Variants in GNG7 observed in about 807,000 individuals in gnomAD.
The protein encoded by GNG7 is guanine nucleotide-binding protein G(I)/G(S)/G(O) subunit gamma-7.
GNG7 carries 1 observed loss-of-function variant against 4.0 expected under a neutral mutation model. The ratio of observed to expected loss-of-function variants is 0.25; its 90% CI spans 0.09 to 1.18. The LOEUF is 1.18. Ranked by LOEUF, GNG7 falls within the 50% of genes most tolerant of loss-of-function variation. The pLI is 0.50. For synonymous variants in GNG7, 34 were observed against 36.9 expected, an observed-to-expected ratio of 0.92 and a Z score of 0.29; for missense variants, 86 against 91.9, an observed-to-expected ratio of 0.94 and a Z score of 0.26.
At chr19:2,671,352 G>A (rs375541698) in intron 1 of GNG7, among the ~76,000 whole-genome samples, 22 of 152,070 alleles carry the variant, frequency 1.4e-4, no homozygotes, top group African/African-American at 2.2e-4. Flanking sequence ...CCTGGACACC[G>A]GTGGCTCTGA....
Position 2,514,982 on chromosome 19 carries a change from GAGAA to G in GNG7, c.*36_*39del, listed in dbSNP as rs1418943267. ...AGAGACAGAGACAGAGAGAGAGAGA[GAGAA>G]AGAGAGAGAGAGAGAGAGAACATAT... On this transcript the variant is annotated 3_prime_UTR_variant, in exon 5 of 5. Transcript: ENST00000382159. 3.4e-6 allele frequency: 5 copies of G among 1,476,494 alleles called. No homozygotes were observed. The highest frequency in any genetic ancestry group is 1.2e-5 in the South Asian group (1 of 85,476). 91.5% of individuals were successfully genotyped at this position (1,476,494 alleles called of 1,614,324 possible).
At chr19:2,542,859 A>C (rs1979007479) in intron 3 of GNG7, among the ~76,000 whole-genome samples, 1 of 147,946 alleles carries the variant, frequency 6.8e-6, no homozygotes, top group Admixed American at 6.7e-5. Context: ...AGCATGCTGC[A>C]CACATCATCT....
At chr19:2,659,422 T>C (rs1278209142) in intron 1 of GNG7, among the ~76,000 whole-genome samples, 1 of 150,252 alleles carries the variant, frequency 6.7e-6, no homozygotes, top group East Asian at 2.0e-4. Flanking sequence ...AAACTCCATC[T>C]CTACTAAAAA....
chr19:2,591,153 CAAG>C (rs1311879986), intron 2 of GNG7, among the ~76,000 whole-genome samples: 2 of 152,320 alleles, frequency 1.3e-5, no homozygotes, highest in East Asian at 1.9e-4. Context: ...TCACAGAGAA[CAAG>C]AAGAACCTCT....
At position 2,682,655 on chromosome 19, in the gene GNG7, CAAAAAAA is replaced by C. The variant is rs745799326; in HGVS notation, c.-135+19984_-135+19990del. On this transcript the variant is annotated intron_variant, in intron 1 of 4. Coordinates refer to ENST00000382159, the MANE Select transcript of GNG7 (RefSeq NM_052847.3). ...TGGGCAACAGGGCGAGACTCCATCT[CAAAAAAA>C]AAAAAAAAAAAAAAAAAAGAAGAGC... Among the ~76,000 whole-genome samples the C allele has an allele frequency of 2.8e-4, 18 of 64,354 alleles. No individual in the cohort carries two copies. The South Asian group carries it at 2.9e-3, about 10-fold the overall frequency. 42.2% of individuals were successfully genotyped at this position (64,354 alleles called of 152,430 possible).
chr19:2,551,483 G>A (rs895437160), intron 3 of GNG7, among the ~76,000 whole-genome samples: 14 of 115,234 alleles, frequency 1.2e-4, no homozygotes, highest in African/African-American at 4.4e-4. Context: ...AAGCCCTGCC[G>A]TGCTGGTAAA....
intron 4 of GNG7, among the ~76,000 whole-genome samples, chr19:2,518,002 T>C (rs1217467286): frequency 6.6e-6 from 1 of 152,176 alleles, no homozygotes; most frequent in Admixed American, 6.5e-5. Flanking sequence ...TGGCCTGCTT[T>C]CTAGACTTCT....
rs1020251523 is a variant in GNG7 at position 2,520,744 on chromosome 19, G to A, written c.-37-19C>T. 4 of 1,102,546 alleles carry A rather than the reference G, an allele frequency of 3.6e-6. No individual in the cohort carries two copies. Among genetic ancestry groups the A allele is most frequent in the Middle Eastern group, 3.9e-4 (2 of 5,108 alleles). 68.3% of individuals were successfully genotyped at this position (1,102,546 alleles called of 1,614,324 possible). On this transcript the variant is annotated intron_variant, in intron 3 of 4. Transcript: ENST00000382159. ...CAGAGAGCTGTGGGGGAAGCAGAGG[G>A]GTGTGGGTCAAAGTTCAGGTCAGGC...
At chr19:2,535,652 CTTCT>C (rs936330704) in intron 3 of GNG7, among the ~76,000 whole-genome samples, 1 of 152,156 alleles carries the variant, frequency 6.6e-6, no homozygotes, top group African/African-American at 2.4e-5. Flanking sequence ...TGACATATTC[CTTCT>C]TTATGATGCG....
At position 2,546,889 on chromosome 19, in the gene GNG7, G is replaced by A. The variant is rs891205344; in HGVS notation, c.-38+8260C>T. On this transcript the variant is annotated intron_variant, in intron 3 of 4. Transcript: ENST00000382159. This position sits in a 1 kb window ranked among gnomAD's most constrained non-coding sequence, Gnocchi z 6.3. ...CAGGACACTGAACCCCGTGGCTCCT[G>A]TCACTCCAGTTCTGGGCTTCCCGGC... Among the ~76,000 whole-genome samples the A allele has an allele frequency of 3.3e-4, 50 of 152,196 alleles. 1 individual carries two copies. The highest frequency in any genetic ancestry group is 2.1e-3 in the Admixed American group (32 of 15,280).
At chr19:2,646,012 C>T (rs1489959211) in intron 2 of GNG7, among the ~76,000 whole-genome samples, 2 of 152,182 alleles carry the variant, frequency 1.3e-5, no homozygotes, top group Admixed American at 1.3e-4. Context: ...GTGCCACGTT[C>T]CCTGCCTCGT....
intron 1 of GNG7, among the ~76,000 whole-genome samples, chr19:2,677,669 A>AGGACAGAGGATCATGAG (rs1050425069): frequency 6.6e-6 from 1 of 152,142 alleles, no homozygotes; most frequent in Non-Finnish European, 1.5e-5. Context: ...GAACCTCAGG[A>AGGACAGAGGATCATGAG]GGACAGAGGA....
chr19:2,579,727 G>T (rs887177545), intron 2 of GNG7, among the ~76,000 whole-genome samples: 2 of 152,178 alleles, frequency 1.3e-5, no homozygotes, highest in Non-Finnish European at 2.9e-5. Flanking sequence ...GGCTTTTCTG[G>T]TTGCCAAACG....
chr19:2,647,011 G>T (rs984638222), intron 1 of GNG7, among the ~76,000 whole-genome samples: 1 of 152,212 alleles, frequency 6.6e-6, no homozygotes, highest in African/African-American at 2.4e-5. Flanking sequence ...CTCAGCCCCA[G>T]CTCAGCTGGT....
chr19:2,597,897 A>C (rs1403370552), intron 2 of GNG7, among the ~76,000 whole-genome samples: 1 of 8,438 alleles, frequency 1.2e-4, no homozygotes, highest in Non-Finnish European at 2.8e-4. Context: ...CTCTGTTTCA[A>C]AAAAAAAAAA....
At chr19:2,670,798 C>T (rs1280648370) in intron 1 of GNG7, among the ~76,000 whole-genome samples, 2 of 151,638 alleles carry the variant, frequency 1.3e-5, no homozygotes, top group Admixed American at 6.6e-5. Flanking sequence ...CAGACTTTAC[C>T]AGGTGTCCCC....
intron 1 of GNG7, among the ~76,000 whole-genome samples, chr19:2,662,082 A>G (rs1407739515): frequency 1.3e-5 from 2 of 152,102 alleles, no homozygotes; most frequent in Non-Finnish European, 2.9e-5. Flanking sequence ...CAACACGGTG[A>G]AACCCTGTCT....
At chr19:2,621,241 A>G (rs78758597) in intron 2 of GNG7, among the ~76,000 whole-genome samples, 20,636 of 152,096 alleles carry the variant, frequency 0.14, 2,493 homozygotes, top group African/African-American at 0.32. Context: ...ACTTATGTTG[A>G]AGCTGGATGT....
At chr19:2,627,966 G>A (rs918248235) in intron 2 of GNG7, among the ~76,000 whole-genome samples, 10 of 152,298 alleles carry the variant, frequency 6.6e-5, no homozygotes, top group Non-Finnish European at 1.0e-4. Flanking sequence ...AGGAGGTGAC[G>A]GTCCGGCCCA....
Sources: gnomAD v4.1 joint callset for allele counts (sites outside exome capture counted in the v4.1 genomes callset) on GRCh38, gnomAD v4.1.1 for gene constraint, Gnocchi (gnomAD v3.1) non-coding constraint, MANE v1.5 for transcripts, NCBI Gene and HGNC (gene_info 2026-07-23, HGNC 2026-07-21) for gene names.